SGCD: variants seen among roughly 807,000 people sequenced by gnomAD.
SGCD encodes the protein sarcoglycan delta.
SGCD carries 18 observed loss-of-function variants against 36.6 expected under a neutral mutation model. That is an observed-to-expected ratio of 0.49 (90% CI 0.34 to 0.73). The LOEUF is 0.73. SGCD is among the 30% of genes least tolerant of loss of function. The probability of loss-of-function intolerance (pLI) is 0.01; values close to 1 mark genes in which losing one functional copy is unlikely to be tolerated. For synonymous variants in SGCD, 133 were observed against 130.6 expected (o/e 1.02, Z -0.12); for missense variants, 387 against 346.7 (o/e 1.12, Z -0.92).
At chr5:155,908,205 C>T (rs1756562616) in intron 1 of SGCD, among the ~76,000 whole-genome samples, 1 of 152,044 alleles carries the variant, frequency 6.6e-6, no homozygotes, top group South Asian at 2.1e-4. Flanking sequence ...TTATAATGCA[C>T]TGAAAAACCA....
chr5:155,833,053 CGAA>C, the SGCD span, among the ~76,000 whole-genome samples: 5,819 of 90,282 alleles, frequency 0.064, 330 homozygotes, highest in African/African-American at 0.17. Flanking sequence ...ACTAAAAATA[CGAA>C]AAAAAAAAAA....
intron 7 of SGCD, among the ~76,000 whole-genome samples, chr5:156,683,469 A>G (rs1203197542): frequency 6.6e-6 from 1 of 152,238 alleles, no homozygotes; most frequent in South Asian, 2.1e-4. Flanking sequence ...AAATCAGCCG[A>G]CATGGTTAAT....
At chr5:156,617,620 A>G (rs886274342) in intron 6 of SGCD, among the ~76,000 whole-genome samples, 1 of 152,230 alleles carries the variant, frequency 6.6e-6, no homozygotes, top group Non-Finnish European at 1.5e-5. Context: ...AGCCCACAAG[A>G]GATGACTGGC....
At chr5:156,697,938 G>C (rs920144524) in intron 7 of SGCD, among the ~76,000 whole-genome samples, 1 of 152,054 alleles carries the variant, frequency 6.6e-6, no homozygotes, top group Non-Finnish European at 1.5e-5. Context: ...CAAGTCAGGA[G>C]AAAGAGGGGA....
At chr5:156,577,350 G>A (rs1760008697) in intron 4 of SGCD, among the ~76,000 whole-genome samples, 1 of 152,190 alleles carries the variant, frequency 6.6e-6, no homozygotes, top group Admixed American at 6.5e-5. Context: ...GTCAGGTAAA[G>A]TGATTCCTCC....
intron 6 of SGCD, among the ~76,000 whole-genome samples, chr5:156,608,249 G>T (rs1434325021): frequency 1.3e-5 from 2 of 152,246 alleles, no homozygotes; most frequent in Non-Finnish European, 2.9e-5. Context: ...TTGTGTCTTT[G>T]TTCTCTTTGG....
At chr5:156,551,419 A>T (rs188901460) in intron 4 of SGCD, among the ~76,000 whole-genome samples, 5 of 152,216 alleles carry the variant, frequency 3.3e-5, no homozygotes, top group African/African-American at 1.2e-4. Context: ...TCCTATGATC[A>T]TCCATATTCT....
At chr5:155,809,547 T>C in the SGCD span, among the ~76,000 whole-genome samples, 1 of 152,154 alleles carries the variant, frequency 6.6e-6, no homozygotes, top group South Asian at 2.1e-4. Context: ...CCTGAATGTG[T>C]GATCAAGAGT....
chr5:156,498,921 C>A (rs1756321652), intron 3 of SGCD, among the ~76,000 whole-genome samples: 1 of 141,170 alleles, frequency 7.1e-6, no homozygotes, highest in Non-Finnish European at 1.6e-5. Context: ...AGGTTCTTGC[C>A]ATCATGTGTG....
intron 1 of SGCD, among the ~76,000 whole-genome samples, chr5:156,078,190 A>G (rs1319841203): frequency 6.6e-6 from 1 of 151,916 alleles, no homozygotes; most frequent in Non-Finnish European, 1.5e-5. Context: ...AATTTTATTA[A>G]GATAATTGTG....
At chr5:156,224,445 C>A (rs1276015008) in intron 3 of SGCD, among the ~76,000 whole-genome samples, 1 of 152,054 alleles carries the variant, frequency 6.6e-6, no homozygotes, top group East Asian at 1.9e-4. Context: ...AACAAAAGAC[C>A]AGATAGATTT....
intron 1 of SGCD, among the ~76,000 whole-genome samples, chr5:155,991,582 T>G (rs974736538): frequency 5.9e-5 from 9 of 152,242 alleles, no homozygotes; most frequent in Non-Finnish European, 2.9e-5. Flanking sequence ...GTTATGCTAA[T>G]GGAGACAAGG....
At chr5:155,848,104 C>T in the SGCD span, among the ~76,000 whole-genome samples, 28 of 152,108 alleles carry the variant, frequency 1.8e-4, no homozygotes, top group African/African-American at 6.8e-4. Flanking sequence ...GGAAGACAAG[C>T]ACACAAATCT....
At chr5:156,229,885 G>C (rs912336049) in intron 3 of SGCD, among the ~76,000 whole-genome samples, 1 of 152,070 alleles carries the variant, frequency 6.6e-6, no homozygotes, top group African/African-American at 2.4e-5. Flanking sequence ...GTCTTTGTTG[G>C]ATTGGGTTAA....
intron 6 of SGCD, among the ~76,000 whole-genome samples, chr5:156,604,794 AATATATATAAATTATACAC>A (rs202030236): frequency 4.8e-4 from 65 of 135,652 alleles, no homozygotes; most frequent in African/African-American, 1.0e-3. Flanking sequence ...TTATATGTAT[AATATATATAAATTATACAC>A]TATACATATA....
intron 7 of SGCD, among the ~76,000 whole-genome samples, chr5:156,708,561 C>T (rs894261858): frequency 2.0e-5 from 3 of 152,156 alleles, no homozygotes; most frequent in Non-Finnish European, 4.4e-5. Flanking sequence ...AAGACTTCAA[C>T]AGCTGAATTC....
chr5:156,102,571 A>G (rs1761544766), intron 1 of SGCD, among the ~76,000 whole-genome samples: 1 of 152,206 alleles, frequency 6.6e-6, no homozygotes, highest in Non-Finnish European at 1.5e-5. Context: ...CAGCTGATGT[A>G]TGCATCCAAA....
At chr5:156,622,104 A>AT (rs1401975952) in intron 6 of SGCD, among the ~76,000 whole-genome samples, 7 of 152,124 alleles carry the variant, frequency 4.6e-5, no homozygotes, top group South Asian at 4.1e-4. Context: ...GTACAAGTAC[A>AT]TTTTTTGTAT....
chr5:156,723,994 T>C (rs1003943102), intron 7 of SGCD, among the ~76,000 whole-genome samples: 4 of 152,160 alleles, frequency 2.6e-5, no homozygotes, highest in African/African-American at 9.7e-5. Context: ...ATTATTCTCA[T>C]GTTCCAGAGG....
Sources: allele counts gnomAD v4.1 joint callset (sites outside exome capture counted in the v4.1 genomes callset), GRCh38; gene constraint gnomAD v4.1.1; transcripts MANE v1.5; gene names NCBI Gene and HGNC (gene_info 2026-07-23, HGNC 2026-07-21).